Variants in AMBRA1 observed in about 807,000 individuals in gnomAD.
The protein encoded by AMBRA1 is activating molecule in BECN1-regulated autophagy protein 1.
Under a neutral mutation model 125.4 loss-of-function variants are expected in AMBRA1, and 47 were observed. The ratio of observed to expected loss-of-function variants is 0.37; its 90% CI spans 0.30 to 0.48. The LOEUF (loss-of-function observed/expected upper bound fraction) is 0.48, where lower values mean the gene tolerates loss of function less well. Ranked by LOEUF, AMBRA1 falls within the 20% of genes least tolerant of loss-of-function variation. The pLI is 0.99. For synonymous variants in AMBRA1, 626 were observed against 655.5 expected (o/e 0.95, Z 0.69); for missense variants, 1,331 against 1,693.4 (o/e 0.79, Z 3.76).
chr11:46,398,420 G>A (rs189850362), intron 17 of AMBRA1, among the ~76,000 whole-genome samples: 428 of 152,332 alleles, frequency 2.8e-3, no homozygotes, highest in Admixed American at 6.5e-3. Context: ...TCATTACAAT[G>A]CTGTCTTCCT....
rs1946142096 is a variant in AMBRA1, at chr11:46,408,685, C to CAGA, written c.3230_3231insTCT (p.Arg1077delinsSerLeu). 1 of 1,565,248 alleles carries CAGA rather than the reference C, an allele frequency of 6.4e-7. No homozygotes were observed. Among genetic ancestry groups the CAGA allele is most frequent in the Non-Finnish European group, 8.7e-7 (1 of 1,152,016 alleles). ...TCATCAGCCCCATGTCTCTGTCTGT[C>CAGA]CTCCATGTGGCTCTGCTGGTTCTAG... is the stretch of plus-strand genomic sequence containing the variant. On this transcript the variant is annotated protein_altering_variant, in exon 17 of 18. Transcript: ENST00000683756.
intron 1 of AMBRA1, among the ~76,000 whole-genome samples, chr11:46,564,139 C>T (rs556400412): frequency 9.2e-5 from 12 of 131,004 alleles, no homozygotes; most frequent in South Asian, 2.4e-4. Context: ...AGCAAAACTC[C>T]GTCTCAAAAA....
chr11:46,452,078 T>C (rs1163429719), intron 11 of AMBRA1, among the ~76,000 whole-genome samples: 2 of 152,044 alleles, frequency 1.3e-5, no homozygotes, highest in Non-Finnish European at 2.9e-5. Context: ...TTGAAATGTA[T>C]ACTTTAAATA....
At chr11:46,399,234 C>T (rs1207366520) in intron 17 of AMBRA1, among the ~76,000 whole-genome samples, 1 of 151,440 alleles carries the variant, frequency 6.6e-6, no homozygotes, top group Non-Finnish European at 1.5e-5. Flanking sequence ...CCACCACACC[C>T]AGCTAATTTT....
chr11:46,401,515 T>C (rs528999960), intron 17 of AMBRA1, among the ~76,000 whole-genome samples: 8 of 152,260 alleles, frequency 5.3e-5, no homozygotes, highest in African/African-American at 1.9e-4. Flanking sequence ...CTGGGAGGCA[T>C]GAGCCACCGC....
At chr11:46,432,563 T>C (rs1178079640) in intron 14 of AMBRA1, among the ~76,000 whole-genome samples, 1 of 152,162 alleles carries the variant, frequency 6.6e-6, no homozygotes, top group Non-Finnish European at 1.5e-5. Context: ...CCATTCCAGA[T>C]ATTCAACAGC....
At position 46,547,149 on chromosome 11, in the gene AMBRA1, G is replaced by T; in HGVS notation, c.342C>A (p.Gly114=). 1 of 1,613,740 alleles carries T rather than the reference G, an allele frequency of 6.2e-7. No homozygotes were observed. Among genetic ancestry groups the T allele is most frequent in the Non-Finnish European group, 8.5e-7 (1 of 1,179,896 alleles). The change falls in exon 4 of 18, where the codon GGC becomes GGA. Residue 114 remains glycine, a synonymous_variant. Coordinates refer to ENST00000683756, the MANE Select transcript of AMBRA1 (RefSeq NM_001387011.1). ...AAATCCTAACCTCCCCATCTAGGCA[G>T]CCAGAAGCAATAAGGCCTGAGATGG... The part of the protein sequence containing the change: ...HPTISGLIAS[G]CLDGEVRIWD...
At chr11:46,423,904 C>T (rs1033471382) in intron 14 of AMBRA1, among the ~76,000 whole-genome samples, 1 of 151,848 alleles carries the variant, frequency 6.6e-6, no homozygotes, top group Non-Finnish European at 1.5e-5. Flanking sequence ...GCTGGGATTA[C>T]AGGCATGGGC....
intron 17 of AMBRA1, among the ~76,000 whole-genome samples, chr11:46,407,943 G>A (rs1351322787): frequency 1.3e-5 from 2 of 152,196 alleles, no homozygotes; most frequent in Non-Finnish European, 2.9e-5. Context: ...CTGCTGCTGG[G>A]AAGTGCTAAT....
chr11:46,572,129 C>A (rs553805401), intron 1 of AMBRA1, among the ~76,000 whole-genome samples: 1 of 152,050 alleles, frequency 6.6e-6, no homozygotes, highest in Non-Finnish European at 1.5e-5. Context: ...GATGAAATGC[C>A]GTCTCTACCG....
chr11:46,511,139 G>A (rs1292566837), intron 8 of AMBRA1, among the ~76,000 whole-genome samples: 6 of 152,194 alleles, frequency 3.9e-5, no homozygotes, highest in African/African-American at 1.4e-4. Context: ...AACACTGCCA[G>A]GTTAAAAGTT....
At chr11:46,475,255 T>C (rs1565197357) in intron 11 of AMBRA1, among the ~76,000 whole-genome samples, 1 of 152,224 alleles carries the variant, frequency 6.6e-6, no homozygotes, top group Non-Finnish European at 1.5e-5. Flanking sequence ...ATTCAAGTCC[T>C]TGGTTTCCTT....
intron 11 of AMBRA1, among the ~76,000 whole-genome samples, chr11:46,466,359 A>T (rs1050751469): frequency 1.4e-5 from 2 of 147,260 alleles, no homozygotes; most frequent in African/African-American, 5.1e-5. Context: ...AAAAAAAAAA[A>T]GGGCAATGTG....
chr11:46,398,591 TCTCCTGCCTCGGC>T lies in AMBRA1; in HGVS notation c.3404-661_3404-649del, dbSNP rs1188431134. 2.0e-5 allele frequency among the ~76,000 whole-genome samples: 3 copies of T among 151,834 alleles called. No homozygotes were observed. The East Asian group carries it at 5.8e-4, about 29-fold the overall frequency. ...GCTCTACCTCCTGGGTTCACACCAT[TCTCCTGCCTCGGC>T]CTCCTGAGTAACTACAGGTGCCCGC... On this transcript the variant is annotated intron_variant, in intron 17 of 17. Coordinates refer to ENST00000683756, the MANE Select transcript of AMBRA1 (RefSeq NM_001387011.1).
intron 9 of AMBRA1, among the ~76,000 whole-genome samples, chr11:46,498,368 T>C (rs1234564200): frequency 1.3e-5 from 2 of 152,196 alleles, no homozygotes; most frequent in African/African-American, 4.8e-5. Flanking sequence ...AAGCTGACTT[T>C]GAGCCAGCAG....
chr11:46,425,863 C>T (rs1437705082), intron 14 of AMBRA1, among the ~76,000 whole-genome samples: 5 of 144,514 alleles, frequency 3.5e-5, no homozygotes, highest in South Asian at 2.2e-4. Flanking sequence ...AAGAAAACAG[C>T]GGGCTGGGCG....
Position 46,433,450 on chromosome 11 carries a change from G to A in AMBRA1, c.2976+24C>T, listed in dbSNP as rs749505080. The A allele has an allele frequency of 2.5e-6, 4 of 1,611,416 alleles. No individual in the cohort carries two copies. In the South Asian group the frequency reaches 4.4e-5, roughly 18 times the overall value. Reference sequence around the variant, plus strand: ...AAGCCTAGGGGAGCTGCCATACAGTGAAGGCACAAGCAATGGCACTCACCC... The same window carrying A: ...AAGCCTAGGGGAGCTGCCATACAGTAAAGGCACAAGCAATGGCACTCACCC... On this transcript the variant is annotated intron_variant, in intron 14 of 17. Transcript: ENST00000683756.
chr11:46,579,563 T>C (rs1272058536), intron 1 of AMBRA1, among the ~76,000 whole-genome samples: 1 of 152,200 alleles, frequency 6.6e-6, no homozygotes, highest in Non-Finnish European at 1.5e-5. Context: ...TGCAAATATC[T>C]TCATACCCTC....
At chr11:46,411,365 G>C (rs761018492) in intron 15 of AMBRA1, among the ~76,000 whole-genome samples, 1 of 152,222 alleles carries the variant, frequency 6.6e-6, no homozygotes, top group African/African-American at 2.4e-5. Flanking sequence ...CAGAGACCAG[G>C]CAGGGCCTGG....
Sources: allele counts gnomAD v4.1 joint callset (sites outside exome capture counted in the v4.1 genomes callset), GRCh38; gene constraint gnomAD v4.1.1; transcripts MANE v1.5; gene names NCBI Gene and HGNC (gene_info 2026-07-23, HGNC 2026-07-21).